Variants in RAB3C observed in about 807,000 individuals in gnomAD.
RAB3C encodes ras-related protein Rab-3C.
A neutral mutation model predicts 26.4 loss-of-function variants in RAB3C; 17 were observed. The observed-to-expected ratio is 0.64, with a 90% CI of 0.44 to 0.97. RAB3C has a LOEUF of 0.97. Ranked by LOEUF, RAB3C falls within the 50% of genes least tolerant of loss-of-function variation. The probability of loss-of-function intolerance (pLI) is 0.00; values close to 1 mark genes in which losing one functional copy is unlikely to be tolerated. For missense variants in RAB3C, 242 were observed against 281.9 expected, an observed-to-expected ratio of 0.86 and a Z score of 1.01; for synonymous variants, 91 against 95.9, an observed-to-expected ratio of 0.95 and a Z score of 0.30.
At chr5:58,596,256 C>T (rs1224905391) in intron 1 of RAB3C, among the ~76,000 whole-genome samples, 5 of 151,824 alleles carry the variant, frequency 3.3e-5, no homozygotes, top group Non-Finnish European at 5.9e-5. Flanking sequence ...CCAGGTTCTG[C>T]CAGGCAAGAG....
At chr5:58,617,399 G>A in intron 1 of RAB3C, 1 of 701,060 alleles carries the variant, frequency 1.4e-6, no homozygotes, top group South Asian at 1.5e-5. Flanking sequence ...TCTGAATGCT[G>A]AGCAGTGACA....
rs1008864448 is a variant in RAB3C at position 58,681,708 on chromosome 5, T to C, written c.253-44294T>C. Among the ~76,000 whole-genome samples, 6 of 152,156 alleles carry C rather than the reference T, an allele frequency of 3.9e-5. No individual in the cohort carries two copies. In the East Asian group the frequency reaches 5.8e-4, roughly 15 times the overall value. ...ACAAGAAAAAGCTAGAGATGGAACC[T>C]GAAGCCATAGCATGGGACCTATAAA... On this transcript the variant is annotated intron_variant, in intron 2 of 4. Transcript: ENST00000282878.
chr5:58,693,353 T>TATATATATATATACAC (rs911414778), intron 2 of RAB3C, among the ~76,000 whole-genome samples: 11 of 142,266 alleles, frequency 7.7e-5, no homozygotes, highest in African/African-American at 2.7e-4. Flanking sequence ...TATATATATA[T>TATATATATATATACAC]ATATATATAA....
intron 2 of RAB3C, among the ~76,000 whole-genome samples, chr5:58,650,780 A>G (rs1747627460): frequency 6.6e-6 from 1 of 152,170 alleles, no homozygotes; most frequent in Admixed American, 6.5e-5. Context: ...TGAATTACTG[A>G]GAATTGGCTA....
chr5:58,692,005 A>G (rs1277988523), intron 2 of RAB3C, among the ~76,000 whole-genome samples: 1 of 152,156 alleles, frequency 6.6e-6, no homozygotes, highest in African/African-American at 2.4e-5. Flanking sequence ...CAATAAAGTG[A>G]CGCTTTTTCT....
intron 4 of RAB3C, among the ~76,000 whole-genome samples, chr5:58,844,496 G>A (rs1743945230): frequency 6.6e-6 from 1 of 152,176 alleles, no homozygotes; most frequent in Non-Finnish European, 1.5e-5. Context: ...CCTAAAGCCT[G>A]TCTCTGGGCT....
chr5:58,712,411 A>T (rs1749078482), intron 2 of RAB3C, among the ~76,000 whole-genome samples: 1 of 152,194 alleles, frequency 6.6e-6, no homozygotes, highest in Non-Finnish European at 1.5e-5. Context: ...TTTGCTTTGT[A>T]TCAATTTTGA....
At chr5:58,803,445 C>T (rs13362116) in intron 3 of RAB3C, among the ~76,000 whole-genome samples, 1 of 152,110 alleles carries the variant, frequency 6.6e-6, no homozygotes, top group African/African-American at 2.4e-5. Context: ...AGGTATTCAA[C>T]AAACTTACAA....
At chr5:58,748,243 G>A (rs7717684) in intron 3 of RAB3C, among the ~76,000 whole-genome samples, 57,077 of 151,920 alleles carry the variant, frequency 0.38, 11,135 homozygotes, top group African/African-American at 0.48. Context: ...AAGAACAAGA[G>A]AGATAACTTA....
intron 3 of RAB3C, among the ~76,000 whole-genome samples, chr5:58,779,788 G>A (rs1742234213): frequency 6.6e-6 from 1 of 152,096 alleles, no homozygotes; most frequent in South Asian, 2.1e-4. Flanking sequence ...ATTATACAAT[G>A]TGTTTGGGAG....
At chr5:58,839,911 G>GT (rs80006938) in intron 4 of RAB3C, among the ~76,000 whole-genome samples, 122 of 145,792 alleles carry the variant, frequency 8.4e-4, no homozygotes, top group South Asian at 4.8e-3. Context: ...TGGTTGGGAG[G>GT]TTTTTTTTTT....
intron 2 of RAB3C, among the ~76,000 whole-genome samples, chr5:58,628,349 A>G (rs1446777502): frequency 6.6e-6 from 1 of 152,114 alleles, no homozygotes; most frequent in Non-Finnish European, 1.5e-5. Context: ...GTGCAGGCTT[A>G]GGGAAGTAAT....
chr5:58,582,397 A>C (rs1340453400), upstream of RAB3C: 1 of 985,266 alleles, frequency 1.0e-6, no homozygotes, highest in African/African-American at 1.7e-5. Flanking sequence ...TCGAGTTGTA[A>C]TGGAGCTGTA....
intron 2 of RAB3C, among the ~76,000 whole-genome samples, chr5:58,648,692 G>T (rs977650691): frequency 2.0e-5 from 3 of 152,058 alleles, no homozygotes; most frequent in African/African-American, 4.8e-5. Flanking sequence ...TAAAATAGAT[G>T]CATTAAAATA....
rs538616597 is a variant in RAB3C at position 58,809,274 on chromosome 5, G to T, written c.372-15764G>T. 1.1e-4 allele frequency among the ~76,000 whole-genome samples: 16 copies of T among 151,902 alleles called. No homozygotes were observed. In the East Asian group the frequency reaches 2.1e-3, roughly 20 times the overall value. ...GAGAACTGTGGCTGTCTCTGGAAAA[G>T]GTACTTTTGACTTCAAAATGTCACT... On this transcript the variant is annotated intron_variant, in intron 3 of 4. Coordinates refer to ENST00000282878, the MANE Select transcript of RAB3C (RefSeq NM_138453.4).
chr5:58,832,565 A>G (rs1388810297), intron 4 of RAB3C, among the ~76,000 whole-genome samples: 4 of 152,244 alleles, frequency 2.6e-5, no homozygotes, highest in African/African-American at 9.6e-5. Context: ...AGTCTGAGAG[A>G]CACATAAAGA....
intron 3 of RAB3C, among the ~76,000 whole-genome samples, chr5:58,774,896 C>CA (rs1211798711): frequency 6.6e-6 from 1 of 152,082 alleles, no homozygotes; most frequent in South Asian, 2.1e-4. Context: ...GGATACAGGT[C>CA]AGGGGACCAG....
intron 2 of RAB3C, among the ~76,000 whole-genome samples, chr5:58,627,895 C>T (rs140779871): frequency 5.6e-4 from 85 of 152,278 alleles, no homozygotes; most frequent in African/African-American, 2.0e-3. Context: ...CAAAGGCTCA[C>T]GCATGTAATC....
At chr5:58,687,128 G>A (rs1317752359) in intron 2 of RAB3C, among the ~76,000 whole-genome samples, 4 of 152,072 alleles carry the variant, frequency 2.6e-5, no homozygotes, top group Non-Finnish European at 5.9e-5. Flanking sequence ...TTAATTGGGA[G>A]CAGGATCATT....
Sources: gnomAD v4.1 joint callset for allele counts (sites outside exome capture counted in the v4.1 genomes callset) on GRCh38, gnomAD v4.1.1 for gene constraint, MANE v1.5 for transcripts, NCBI Gene and HGNC (gene_info 2026-07-23, HGNC 2026-07-21) for gene names.